The following MMAB variants were observed in gnomAD, a reference collection of about 807,000 sequenced individuals.
The protein encoded by MMAB is metabolism of cobalamin associated B.
MMAB carries 17 observed loss-of-function variants against 30.6 expected under a neutral mutation model. The ratio of observed to expected loss-of-function variants is 0.56; its 90% CI spans 0.38 to 0.83. The LOEUF (loss-of-function observed/expected upper bound fraction) is 0.83, where lower values mean the gene tolerates loss of function less well. Ranked by LOEUF, MMAB falls within the 40% of genes least tolerant of loss-of-function variation. The pLI is 0.00. For missense variants in MMAB, 311 were observed against 331.6 expected (o/e 0.94, Z 0.48); for synonymous variants, 134 against 138.6 (o/e 0.97, Z 0.23).
Position 109,561,848 on chromosome 12 carries a change from T to G in MMAB, c.353A>C (p.Gln118Pro). 1.2e-6 allele frequency: 2 copies of G among 1,604,856 alleles called. No homozygotes were observed. Among genetic ancestry groups the G allele is most frequent in the South Asian group, 1.1e-5 (1 of 89,598 alleles). The stretch of plus-strand genomic sequence containing the variant: ...CGAGCCGACGTCCTGCAATGTGCAC[T>G]GGATCTGGGGGGCGACAGAAAGTGA... The part of the protein sequence containing the change: ...HTFAEELQKI[Q>P]CTLQDVGSAL... Residue 118 changes from glutamine to proline, a missense_variant, in exon 5 of 9, where the codon CAG becomes CCG. Physicochemically the swap from Gln to Pro is moderately conservative, Grantham distance 76 (BLOSUM62 -1). Coordinates refer to ENST00000545712, the MANE Select transcript of MMAB (RefSeq NM_052845.4). This position sits in a 1 kb window ranked among gnomAD's most constrained non-coding sequence, Gnocchi z 5.3.
intron 7 of MMAB, among the ~76,000 whole-genome samples, chr12:109,559,687 C>T (rs568530559): frequency 3.3e-5 from 5 of 152,360 alleles, no homozygotes; most frequent in African/African-American, 1.2e-4. Flanking sequence ...ACTGGACGGC[C>T]ATCTGCTGGG....
chr12:109,568,937 TTTCAAAGA>T, intron 2 of MMAB, 74 bp from the exon 3 acceptor site: 4 of 1,064,588 alleles, frequency 3.8e-6, no homozygotes, highest in Non-Finnish European at 5.8e-6. Flanking sequence ...TTTTTTAAAC[TTTCAAAGA>T]TTTTAAAGAA....
Position 109,554,642 on chromosome 12 carries a change from G to C in MMAB, c.*2386C>G, listed in dbSNP as rs1309972522. On this transcript the variant is annotated 3_prime_UTR_variant, in exon 9 of 9. Transcript: ENST00000545712. ...CAAACACTGGGGCAGCGGGGGCTTCGCAGTCACATTTCCTGACTGTAGGGC... is the reference window on the plus strand; with the variant it reads ...CAAACACTGGGGCAGCGGGGGCTTCCCAGTCACATTTCCTGACTGTAGGGC... 1 of 454,008 alleles carries C rather than the reference G, an allele frequency of 2.2e-6. No individual in the cohort carries two copies. The highest frequency in any genetic ancestry group is 4.4e-6 in the Non-Finnish European group (1 of 226,798). The allele number at this position is 454,008 out of a possible 1,614,324, so 28.1% of individuals were successfully genotyped here. A position where few individuals can be genotyped will look rare whatever the true frequency, so the allele number is the denominator to read the frequency against.
At position 109,573,328 on chromosome 12, in the gene MMAB, C is replaced by T; in HGVS notation, c.134+19G>A. The T allele has an allele frequency of 6.2e-7, 1 of 1,612,180 alleles. No homozygotes were observed. Among genetic ancestry groups the T allele is most frequent in the Admixed American group, 1.7e-5 (1 of 60,010 alleles). On this transcript the variant is annotated intron_variant, in intron 1 of 8. Coordinates refer to ENST00000545712, the MANE Select transcript of MMAB (RefSeq NM_052845.4). Reference sequence around the variant, plus strand: ...ATTCACGGCAGGTGTTCGAGTTGCCCTTCCCGCCAGCCACTCACCTGTCCC... The same window carrying T: ...ATTCACGGCAGGTGTTCGAGTTGCCTTTCCCGCCAGCCACTCACCTGTCCC...
At chr12:109,573,148 G>A (rs1884716249) in intron 1 of MMAB, 199 bp downstream of exon 1, 3 of 670,570 alleles carry the variant, frequency 4.5e-6, no homozygotes, top group Admixed American at 2.3e-5. Context: ...CGATGATAGC[G>A]GGACTTCATT....
In MMAB at chr12:109,556,436, G is replaced by A. The variant is rs549144739; in HGVS notation, c.*592C>T. The A allele has an allele frequency of 2.6e-5, 12 of 453,876 alleles. No individual in the cohort carries two copies. Among genetic ancestry groups the A allele is most frequent in the Admixed American group, 4.7e-5 (2 of 42,534 alleles). The allele number at this position is 453,876 out of a possible 1,614,324, so 28.1% of individuals were successfully genotyped here. On this transcript the variant is annotated 3_prime_UTR_variant, in exon 9 of 9. Coordinates refer to ENST00000545712, the MANE Select transcript of MMAB (RefSeq NM_052845.4). Reference sequence around the variant, plus strand: ...TCTAAGCCAGGAGTTTCTGAGCCTCGCCTGTCAATCTGCAGCTATCCTTCC... The same window carrying A: ...TCTAAGCCAGGAGTTTCTGAGCCTCACCTGTCAATCTGCAGCTATCCTTCC...
chr12:109,573,289 G>A lies in MMAB; in HGVS notation c.134+58C>T, dbSNP rs770873168. 9.9e-6 allele frequency: 16 copies of A among 1,609,032 alleles called. No homozygotes were observed. In the South Asian group the frequency reaches 1.8e-4, roughly 18 times the overall value. On this transcript the variant is annotated intron_variant, in intron 1 of 8. Coordinates refer to ENST00000545712, the MANE Select transcript of MMAB (RefSeq NM_052845.4). ...CTCACGGCGGTGTGACGTACCCATG[G>A]CGACGACACCACGATTCACGGCAGG...
rs767045171 is a variant in MMAB, at chr12:109,561,482, G to A, written c.457C>T (p.Leu153=). The change falls in exon 6 of 9, where the codon CTG becomes TTG. Residue 153 remains leucine (L), a synonymous_variant. Transcript: ENST00000545712. This position sits in a 1 kb window ranked among gnomAD's most constrained non-coding sequence, Gnocchi z 5.3. Reference sequence around the variant, plus strand: ...GTGTACTTGTCGATCCACTGCTCCAGCTCCAGGATGGGCCCCGCCTTGAAC... The same window carrying A: ...GTGTACTTGTCGATCCACTGCTCCAACTCCAGGATGGGCCCCGCCTTGAAC... ...TTFKAGPILE[L]EQWIDKYTSQ... 3 of 1,550,420 alleles carry A rather than the reference G, an allele frequency of 1.9e-6. No individual in the cohort carries two copies. The highest frequency in any genetic ancestry group is 2.6e-6 in the Non-Finnish European group (3 of 1,146,974).
intron 4 of MMAB, among the ~76,000 whole-genome samples, chr12:109,562,635 C>T (rs1294664301): frequency 2.0e-5 from 3 of 152,248 alleles, no homozygotes; most frequent in Admixed American, 6.5e-5. Context: ...CTTTTCTCAA[C>T]ATTTGACAGC....
chr12:109,573,443 C>T lies in MMAB; in HGVS notation c.38G>A (p.Gly13Glu). The T allele has an allele frequency of 6.2e-7, 1 of 1,606,942 alleles. No individual in the cohort carries two copies. Among genetic ancestry groups the T allele is most frequent in the East Asian group, 2.2e-5 (1 of 44,750 alleles). The change falls in exon 1 of 9, where the codon GGG becomes GAG. Residue 13 changes from glycine (G) to glutamate (E), a missense_variant. Physicochemically the swap from Gly to Glu is moderately conservative, Grantham distance 98 (BLOSUM62 -2). Transcript: ENST00000545712. ...VCGLGSRLGL[G>E]SRLGLRGCFG... ...GCACCCGCGCAGGCCAAGACGGCTC[C>T]CCAGGCCAAGACGGCTCCCCAGGCC... is the stretch of plus-strand genomic sequence containing the variant.
In MMAB at chr12:109,558,829, G is replaced by A. The variant is rs1467862594; in HGVS notation, c.644+267C>T. On this transcript the variant is annotated intron_variant, in intron 8 of 8. Transcript: ENST00000545712. This position sits in a 1 kb window ranked among gnomAD's most constrained non-coding sequence, Gnocchi z 4.3. ...CCCCCGCAATGCCACTTTGCACTTA[G>A]GTTTTTCTTCCTGGTTTTTACAGCA... 6.6e-6 allele frequency among the ~76,000 whole-genome samples: 1 copy of A among 151,778 alleles called. No homozygotes were observed. Among genetic ancestry groups the A allele is most frequent in the Non-Finnish European group, 1.5e-5 (1 of 67,990 alleles).
intron 7 of MMAB, 101 bp downstream of exon 7, chr12:109,560,939 C>G: frequency 1.8e-6 from 2 of 1,106,094 alleles, no homozygotes; most frequent in Non-Finnish European, 2.6e-6. Context: ...AGAGGCCCCT[C>G]TCCCTCTCCC....
chr12:109,561,400 T>G lies in MMAB; in HGVS notation c.519+20A>C. 6.5e-7 allele frequency: 1 copy of G among 1,549,842 alleles called. No individual in the cohort carries two copies. Among genetic ancestry groups the G allele is most frequent in the Non-Finnish European group, 8.7e-7 (1 of 1,146,554 alleles). ...GAACCTGCCTGCAGCCGCCCCCGGT[T>G]AAGCCTGCCCAGTACCTACAGGCAG... On this transcript the variant is annotated intron_variant, in intron 6 of 8. Coordinates refer to ENST00000545712, the MANE Select transcript of MMAB (RefSeq NM_052845.4). The surrounding 1 kb of genome is among the most constrained non-coding windows in gnomAD (Gnocchi z 5.3).
At chr12:109,566,941 G>T (rs566690925) in intron 3 of MMAB, 1 of 455,490 alleles carries the variant, frequency 2.2e-6, no homozygotes, top group African/African-American at 2.0e-5. Flanking sequence ...CACACCAAGG[G>T]GTTTGTTTGC....
At position 109,555,275 on chromosome 12, in the gene MMAB, G is replaced by GTTGTTTTTTTTTT; in HGVS notation, c.*1752_*1753insAAAAAAAAAACAA. On this transcript the variant is annotated 3_prime_UTR_variant, in exon 9 of 9. Coordinates refer to ENST00000545712, the MANE Select transcript of MMAB (RefSeq NM_052845.4). The stretch of plus-strand genomic sequence containing the variant: ...GAGCCTTAGTGATTGCGTTTTCAGG[G>GTTGTTTTTTTTTT]TTTTTTTTTTTTTTTTTTTTTTTTT... The GTTGTTTTTTTTTT allele has an allele frequency of 2.9e-6, 1 of 340,818 alleles. No homozygotes were observed. The highest frequency in any genetic ancestry group is 9.1e-5 in the East Asian group (1 of 11,010). 21.1% of individuals were successfully genotyped at this position (340,818 alleles called of 1,614,324 possible).
At chr12:109,573,321 A>C in intron 1 of MMAB, 26 bp downstream of exon 1, 2 of 1,611,798 alleles carry the variant, frequency 1.2e-6, no homozygotes, top group South Asian at 2.2e-5. Flanking sequence ...CAGGTGTTCG[A>C]GTTGCCCTTC....
At position 109,559,581 on chromosome 12, in the gene MMAB, A is replaced by C. The variant is rs947561013; in HGVS notation, c.585-426T>G. ...GTACATCATGACTTAGAACAACTTC[A>C]CAGGGGAGAAAAAGACCCAGGCAGA... On this transcript the variant is annotated intron_variant, in intron 7 of 8. Transcript: ENST00000545712. 2.0e-5 allele frequency among the ~76,000 whole-genome samples: 3 copies of C among 152,340 alleles called. No homozygotes were observed. The East Asian group carries it at 5.8e-4, about 29-fold the overall frequency.
At chr12:109,559,848 G>C (rs1884128949) in intron 7 of MMAB, among the ~76,000 whole-genome samples, 1 of 152,194 alleles carries the variant, frequency 6.6e-6, no homozygotes, top group African/African-American at 2.4e-5. Context: ...AGGAGGGTGT[G>C]CACCCAGGCC....
Position 109,565,105 on chromosome 12 carries a change from ATGGT to A in MMAB, c.348+10_348+13del, listed in dbSNP as rs775340018. The A allele has an allele frequency of 6.2e-6, 10 of 1,609,966 alleles. No individual in the cohort carries two copies. Among genetic ancestry groups the A allele is most frequent in the Non-Finnish European group, 7.7e-6 (9 of 1,176,370 alleles). ...GCTGAAGATTCCCAGCTTGGGTGAG[ATGGT>A]GTTACTCACTTTCTGAAGCTCTTCG... On this transcript the variant is annotated intron_variant, in intron 4 of 8. Coordinates refer to ENST00000545712, the MANE Select transcript of MMAB (RefSeq NM_052845.4).
Sources: allele counts gnomAD v4.1 joint callset (sites outside exome capture counted in the v4.1 genomes callset), GRCh38; gene constraint gnomAD v4.1.1; non-coding constraint Gnocchi (gnomAD v3.1); transcripts MANE v1.5; gene names NCBI Gene and HGNC (gene_info 2026-07-23, HGNC 2026-07-21).